The following AGBL3 variants were observed in gnomAD, a reference collection of about 807,000 sequenced individuals.
AGBL3 encodes cytosolic carboxypeptidase 3.
In AGBL3, 68 loss-of-function variants were observed where a neutral mutation model predicts 94.5. The ratio of observed to expected loss-of-function variants is 0.72; its 90% CI spans 0.59 to 0.88. The LOEUF is 0.88. AGBL3 is among the 40% of genes least tolerant of loss of function. The pLI is 0.00. For missense variants in AGBL3, 934 were observed against 1,103.8 expected (o/e 0.85, Z 2.18); for synonymous variants, 354 against 370.7 (o/e 0.95, Z 0.52).
At chr7:135,125,011 T>C (rs188287293) in intron 16 of AGBL3, among the ~76,000 whole-genome samples, 1 of 151,684 alleles carries the variant, frequency 6.6e-6, no homozygotes, top group African/African-American at 2.4e-5. Context: ...AAGAGCAAAC[T>C]AATCCAAAAG....
intron 15 of AGBL3, among the ~76,000 whole-genome samples, chr7:135,105,379 GT>G (rs1272948550): frequency 6.6e-6 from 1 of 152,156 alleles, no homozygotes; most frequent in African/African-American, 2.4e-5. Flanking sequence ...CTACATTCAA[GT>G]TTTTAATCCA....
intron 12 of AGBL3, among the ~76,000 whole-genome samples, chr7:135,061,567 A>C (rs1011882086): frequency 6.6e-6 from 1 of 152,068 alleles, no homozygotes; most frequent in African/African-American, 2.4e-5. Flanking sequence ...ATTTTTGTAC[A>C]TAGTGTGAGA....
chr7:135,077,967 G>A (rs941626056), intron 13 of AGBL3, among the ~76,000 whole-genome samples: 3 of 152,138 alleles, frequency 2.0e-5, no homozygotes, highest in Admixed American at 2.0e-4. Flanking sequence ...TCCTGGTGGG[G>A]TTTTGGTGGA....
chr7:134,995,299 C>G (rs1810866391), intron 4 of AGBL3: 1 of 152,310 alleles, frequency 6.6e-6, no homozygotes, highest in Non-Finnish European at 1.5e-5. Context: ...AGTGTCACTT[C>G]CAGCCGCATG....
At chr7:135,099,882 C>CTTTTTTTTTTTTTTT in intron 15 of AGBL3, 1 of 62,700 alleles carries the variant, frequency 1.6e-5, no homozygotes, top group Non-Finnish European at 2.8e-5. Flanking sequence ...CTGAGTTTCT[C>CTTTTTTTTTTTTTTT]TTTTTTTTTT....
At chr7:135,118,945 A>G (rs1372276834) in intron 16 of AGBL3, among the ~76,000 whole-genome samples, 2 of 152,188 alleles carry the variant, frequency 1.3e-5, no homozygotes, top group Non-Finnish European at 1.5e-5. Flanking sequence ...TGAGAGAGAT[A>G]GAAAAATAGA....
chr7:135,038,857 G>C (rs1415504713), intron 8 of AGBL3, among the ~76,000 whole-genome samples: 1 of 152,086 alleles, frequency 6.6e-6, no homozygotes, highest in Non-Finnish European at 1.5e-5. Context: ...TACTCAGGAG[G>C]CTGAGGCAGG....
chr7:135,010,012 G>A (rs1316739582), intron 4 of AGBL3: 5 of 427,624 alleles, frequency 1.2e-5, no homozygotes, highest in Admixed American at 2.7e-5. Flanking sequence ...TTGTAAGGGT[G>A]AGGATGACAC....
chr7:135,040,887 A>C (rs199676309), intron 8 of AGBL3, among the ~76,000 whole-genome samples: 1 of 37,630 alleles, frequency 2.7e-5, no homozygotes, highest in Non-Finnish European at 6.6e-5. Flanking sequence ...CACACACACC[A>C]CACACACACA....
At chr7:135,059,667 T>C (rs1023910671) in intron 12 of AGBL3, among the ~76,000 whole-genome samples, 2 of 152,102 alleles carry the variant, frequency 1.3e-5, no homozygotes, top group Non-Finnish European at 2.9e-5. Context: ...CTGGGGGAGA[T>C]ACAAAATAAA....
chr7:134,988,064 A>G, intron 2 of AGBL3, 68 bp downstream of exon 2: 1 of 1,125,592 alleles, frequency 8.9e-7, no homozygotes, highest in Non-Finnish European at 1.3e-6. Flanking sequence ...CAATTAAAAT[A>G]TTATAAAATC....
intron 12 of AGBL3, 93 bp downstream of exon 12, chr7:135,059,328 G>T: frequency 1.5e-6 from 1 of 652,606 alleles, no homozygotes. Context: ...TTGCAGATAT[G>T]TAATTATTGT....
intron 2 of AGBL3, chr7:134,988,200 T>C (rs1174636777): frequency 1.0e-5 from 4 of 389,476 alleles, no homozygotes; most frequent in Non-Finnish European, 1.9e-5. Context: ...ACTATATTTG[T>C]ATTTTTTTTG....
At chr7:135,003,408 C>T (rs1424579500) in intron 4 of AGBL3, among the ~76,000 whole-genome samples, 2 of 151,940 alleles carry the variant, frequency 1.3e-5, no homozygotes, top group Non-Finnish European at 2.9e-5. Flanking sequence ...AACTTAGTTC[C>T]TTACTGTTTT....
At chr7:135,107,575 G>A (rs1229720303) in intron 15 of AGBL3, among the ~76,000 whole-genome samples, 3 of 152,046 alleles carry the variant, frequency 2.0e-5, no homozygotes, top group Admixed American at 1.3e-4. Context: ...CTGTGATCTA[G>A]GAGTGTGTTG....
chr7:135,082,646 T>C (rs184615678), intron 15 of AGBL3, among the ~76,000 whole-genome samples: 8 of 152,286 alleles, frequency 5.3e-5, no homozygotes, highest in African/African-American at 1.9e-4. Context: ...ACGTTTTATT[T>C]TCATAGTGCT....
At chr7:135,028,389 T>C (rs1815377293) in intron 5 of AGBL3, among the ~76,000 whole-genome samples, 1 of 148,470 alleles carries the variant, frequency 6.7e-6, no homozygotes, top group African/African-American at 2.4e-5. Context: ...ACTAAATCCT[T>C]TGTTGTCATT....
At position 135,026,263 on chromosome 7, in the gene AGBL3, T is replaced by TTTTATTTTA. The variant is rs1554497761; in HGVS notation, c.419-6577_419-6569dup. 5.4e-3 allele frequency among the ~76,000 whole-genome samples: 346 copies of TTTTATTTTA among 63,688 alleles called. 3 individuals carry two copies. The highest frequency in any genetic ancestry group is 0.013 in the African/African-American group (284 of 22,466). The allele number at this position is 63,688 out of a possible 152,430, so 41.8% of individuals were successfully genotyped here. Reference sequence around the variant, plus strand: ...AATACCATTATTTTATTTTATTTTATTTTATTTTATTTTATTTTATTTTAT... The same window carrying TTTTATTTTA: ...AATACCATTATTTTATTTTATTTTATTTTATTTTATTTATTTTATTTTATTTTATTTTAT... On this transcript the variant is annotated intron_variant, in intron 5 of 16. Coordinates refer to ENST00000436302, the MANE Select transcript of AGBL3 (RefSeq NM_178563.4).
At chr7:135,032,773 A>G in intron 5 of AGBL3, 71 bp from the exon 6 acceptor site, 3 of 1,400,062 alleles carry the variant, frequency 2.1e-6, no homozygotes, top group Non-Finnish European at 1.9e-6. Flanking sequence ...CTATTGCTCC[A>G]AACTCTGTGC....
Sources: allele counts gnomAD v4.1 joint callset (sites outside exome capture counted in the v4.1 genomes callset), GRCh38; gene constraint gnomAD v4.1.1; transcripts MANE v1.5; gene names NCBI Gene and HGNC (gene_info 2026-07-23, HGNC 2026-07-21).